Variants in DOCK1 observed in about 807,000 individuals in gnomAD.
DOCK1 encodes the protein dedicator of cytokinesis 1.
DOCK1 carries 138 observed loss-of-function variants against 262.7 expected under a neutral mutation model. The observed-to-expected ratio is 0.53, with a 90% CI of 0.46 to 0.61. The LOEUF (loss-of-function observed/expected upper bound fraction) is 0.61. Ranked by LOEUF, DOCK1 falls within the 20% of genes least tolerant of loss-of-function variation. The pLI is 0.00. For synonymous variants in DOCK1, 866 were observed against 867.4 expected (o/e 1.00, Z 0.03); for missense variants, 1,908 against 2,370.7 (o/e 0.80, Z 4.05).
intron 24 of DOCK1, among the ~76,000 whole-genome samples, chr10:127,108,383 C>G (rs189328672): frequency 6.6e-6 from 1 of 152,024 alleles, no homozygotes; most frequent in Non-Finnish European, 1.5e-5. Flanking sequence ...GTCAGGAATT[C>G]GAGACCAACC....
rs777538072 is a variant in DOCK1, at chr10:126,998,096, A to T, written c.614A>T (p.Gln205Leu). 3 of 1,614,022 alleles carry T rather than the reference A, an allele frequency of 1.9e-6. No homozygotes were observed. Among genetic ancestry groups the T allele is most frequent in the South Asian group, 1.1e-5 (1 of 91,070 alleles). ...TCTGTTTCCTTCCATACACAGTCTC[A>T]AAAGCAGAACATAGATATTAACAGA... is the stretch of plus-strand genomic sequence containing the variant. ...VEERLQEEKSQKQNIDINRQA... is the reference protein window; with the variant it reads ...VEERLQEEKSLKQNIDINRQA... The change falls in exon 8 of 52, where the codon CAA becomes CTA. Residue 205 changes from glutamine (Q) to leucine (L), a missense_variant. By Grantham distance (113) the Gln-to-Leu change is moderately radical. This residue lies in a region of DOCK1 where 227 missense variants were observed against 254.1 expected (regional missense o/e 0.89). Transcript: ENST00000623213.
chr10:127,402,227 G>C (rs1218670424), intron 38 of DOCK1, among the ~76,000 whole-genome samples: 1 of 152,116 alleles, frequency 6.6e-6, no homozygotes, highest in Non-Finnish European at 1.5e-5. Context: ...CTTACCAAAA[G>C]TTTTGAGGCA....
At chr10:127,353,472 C>T (rs1353759051) in intron 31 of DOCK1, among the ~76,000 whole-genome samples, 3 of 152,202 alleles carry the variant, frequency 2.0e-5, no homozygotes, top group Admixed American at 6.5e-5. Flanking sequence ...TTGCTGCCTG[C>T]GTGCTTTCCC....
intron 27 of DOCK1, among the ~76,000 whole-genome samples, chr10:127,236,444 T>C (rs2059057847): frequency 6.9e-6 from 1 of 145,208 alleles, no homozygotes; most frequent in East Asian, 2.2e-4. Flanking sequence ...GGTATCCAAC[T>C]GTTTCGGCAC....
intron 15 of DOCK1, 192 bp from the exon 16 acceptor site, chr10:127,026,160 G>A: frequency 1.7e-6 from 1 of 587,896 alleles, no homozygotes; most frequent in Non-Finnish European, 3.0e-6. Flanking sequence ...CTTGGCAGCT[G>A]TTACAATATG....
intron 29 of DOCK1, among the ~76,000 whole-genome samples, chr10:127,261,840 G>T (rs1356590034): frequency 7.2e-6 from 1 of 138,610 alleles, no homozygotes; most frequent in African/African-American, 2.8e-5. Flanking sequence ...GCATGTGGGT[G>T]TGCGTGTGTG....
Position 127,299,581 on chromosome 10 carries a change from G to A in DOCK1, c.3045-39425G>A, listed in dbSNP as rs1422432032. ...AGGCATGGGACAGAGTCTTCCAGAC[G>A]GGCTTCAGAGGGAGCATCGCCTTGC... On this transcript the variant is annotated intron_variant, in intron 29 of 51. Coordinates refer to ENST00000623213, the MANE Select transcript of DOCK1 (RefSeq NM_001290223.2). Among the ~76,000 whole-genome samples the A allele has an allele frequency of 3.9e-5, 6 of 152,176 alleles. No homozygotes were observed. In the East Asian group the frequency reaches 7.7e-4, roughly 20 times the overall value.
chr10:127,014,377 C>T (rs74161525), intron 12 of DOCK1, among the ~76,000 whole-genome samples: 7,200 of 152,292 alleles, frequency 0.047, 568 homozygotes, highest in African/African-American at 0.16. Flanking sequence ...GCATTTAAAA[C>T]ACAGCATAAT....
intron 27 of DOCK1, among the ~76,000 whole-genome samples, chr10:127,235,362 G>A (rs892935715): frequency 0.03 from 20 of 676 alleles, no homozygotes; most frequent in African/African-American, 0.034. Context: ...TTTCTAGAAC[G>A]ACATTAAAAA....
chr10:127,273,535 G>T (rs977316996), intron 29 of DOCK1, among the ~76,000 whole-genome samples: 1 of 152,150 alleles, frequency 6.6e-6, no homozygotes, highest in Non-Finnish European at 1.5e-5. Flanking sequence ...TAAGTAAATG[G>T]CCATCTCATT....
chr10:127,416,505 T>C (rs551425815), intron 44 of DOCK1, among the ~76,000 whole-genome samples: 1 of 152,180 alleles, frequency 6.6e-6, no homozygotes, highest in South Asian at 2.1e-4. Context: ...GCCCTGACCT[T>C]TCGTGAGGAT....
At chr10:126,941,570 C>T (rs1408605548) in intron 1 of DOCK1, among the ~76,000 whole-genome samples, 4 of 152,162 alleles carry the variant, frequency 2.6e-5, no homozygotes, top group Non-Finnish European at 5.9e-5. Context: ...TCCTGGCTAA[C>T]ACGGTGAAAC....
chr10:127,327,215 ACTT>A (rs1199222107), intron 29 of DOCK1, among the ~76,000 whole-genome samples: 5 of 152,216 alleles, frequency 3.3e-5, no homozygotes, highest in Admixed American at 1.3e-4. Context: ...CCAGGAATTG[ACTT>A]CTTCTCCCTA....
chr10:127,283,246 G>A (rs1223270704), intron 29 of DOCK1, among the ~76,000 whole-genome samples: 1 of 152,202 alleles, frequency 6.6e-6, no homozygotes, highest in Non-Finnish European at 1.5e-5. Flanking sequence ...TGGGTTCCTT[G>A]TCTGCCACAA....
Position 126,981,555 on chromosome 10 carries a change from A to G in DOCK1, c.172-363A>G, listed in dbSNP as rs2038979178. ...TTGGTGGTGTAAACCAACTTTCATC[A>G]TTTTGAAAGAGGAGACCATCATCAA... On this transcript the variant is annotated intron_variant, in intron 3 of 51. Coordinates refer to ENST00000623213, the MANE Select transcript of DOCK1 (RefSeq NM_001290223.2). Among the ~76,000 whole-genome samples, 3 of 152,236 alleles carry G rather than the reference A, an allele frequency of 2.0e-5. No individual in the cohort carries two copies. In the East Asian group the frequency reaches 5.8e-4, roughly 29 times the overall value.
chr10:127,315,549 A>G (rs77801414), intron 29 of DOCK1, among the ~76,000 whole-genome samples: 4,005 of 152,248 alleles, frequency 0.026, 174 homozygotes, highest in African/African-American at 0.088. Context: ...TTCAGCCTCC[A>G]GAACTGTGTG....
At chr10:127,035,444 T>G (rs1293645648) in intron 18 of DOCK1, among the ~76,000 whole-genome samples, 1 of 152,148 alleles carries the variant, frequency 6.6e-6, no homozygotes, top group Non-Finnish European at 1.5e-5. Flanking sequence ...CTCATCTGCC[T>G]TGGGCAGCCT....
At chr10:127,438,669 A>G (rs573344107) in intron 48 of DOCK1, among the ~76,000 whole-genome samples, 1 of 152,352 alleles carries the variant, frequency 6.6e-6, no homozygotes, top group Admixed American at 6.5e-5. Flanking sequence ...ATTAAAAAAT[A>G]GACAAAATAT....
intron 27 of DOCK1, among the ~76,000 whole-genome samples, chr10:127,234,293 G>A (rs1272683298): frequency 6.6e-6 from 1 of 152,042 alleles, no homozygotes; most frequent in Non-Finnish European, 1.5e-5. Context: ...TCCAAAGTGG[G>A]GGAAAAATAG....
Sources: gnomAD v4.1 joint callset for allele counts (sites outside exome capture counted in the v4.1 genomes callset) on GRCh38, gnomAD v4.1.1 for gene constraint, gnomAD v4.1.1 regional missense constraint, MANE v1.5 for transcripts, NCBI Gene and HGNC (gene_info 2026-07-23, HGNC 2026-07-21) for gene names.